The following KRTAP4-11 variants were observed in gnomAD, a reference collection of about 807,000 sequenced individuals.
KRTAP4-11 encodes the protein keratin associated protein 4-11, also known as keratin-associated protein 4-11.
In KRTAP4-11, 3 loss-of-function variants were observed where a neutral mutation model predicts 3.4. The observed-to-expected ratio is 0.87, with a 90% CI of 0.40 to 2.26. The LOEUF (loss-of-function observed/expected upper bound fraction) is 2.26. Ranked by LOEUF, KRTAP4-11 falls within the 30% of genes most tolerant of loss-of-function variation. KRTAP4-11 has a pLI of 0.05. For missense variants in KRTAP4-11, 248 were observed against 258.8 expected, an observed-to-expected ratio of 0.96 and a Z score of 0.29; for synonymous variants, 94 against 89.4, an observed-to-expected ratio of 1.05 and a Z score of -0.29.
rs1370424353 is a variant in KRTAP4-11, at chr17:41,117,348, A to T, written c.*380T>A. On this transcript the variant is annotated 3_prime_UTR_variant, in exon 1 of 1. Transcript: ENST00000391413. ...GCCTCCTACCTTTCCAAGAGAAAAG[A>T]ATGACTGAAAGGCTGACAGACAAAT... 1 of 268,970 alleles carries T rather than the reference A, an allele frequency of 3.7e-6. No homozygotes were observed. Among genetic ancestry groups the T allele is most frequent in the East Asian group, 7.5e-5 (1 of 13,316 alleles). The allele number at this position is 268,970 out of a possible 1,614,324, so 16.7% of individuals were successfully genotyped here.
rs761816467 is a variant in KRTAP4-11, at chr17:41,117,918, G to T, written c.398C>A (p.Thr133Asn). The T allele has an allele frequency of 3.7e-4, 595 of 1,601,658 alleles. 29 individuals are homozygous for T. In the African/African-American group the frequency reaches 7.0e-3, roughly 19 times the overall value. The stretch of plus-strand genomic sequence containing the variant: ...GATGCTGCAGCTGGGGTGGCAGCAG[G>T]TGGGCTGGCAGCACACAGACTGGCA... ...QCCQSVCCQP[T>N]CCHPSCSISS... The change falls in exon 1 of 1, where the codon ACC (threonine) becomes AAC (asparagine). Residue 133 changes from threonine (T) to asparagine (N), a missense_variant. Physicochemically the swap from Thr to Asn is moderately conservative, Grantham distance 65 (BLOSUM62 0). Around this residue, in one of 3 missense-constraint regions of KRTAP4-11, gnomAD observed 131 missense variants for 130.2 expected, o/e 1.01. Transcript: ENST00000391413.
rs2014327403 is a variant in KRTAP4-11 at position 41,118,207 on chromosome 17, T to C, written c.109A>G (p.Thr37Ala). 3 of 1,608,164 alleles carry C rather than the reference T, an allele frequency of 1.9e-6. No individual in the cohort carries two copies. Among genetic ancestry groups the C allele is most frequent in the Non-Finnish European group, 2.5e-6 (3 of 1,176,954 alleles). Reference protein sequence around the residue: ...PSCCETTCCRTTYCRPSCCVS... With the variant: ...PSCCETTCCRATYCRPSCCVS... Reference sequence around the variant, plus strand: ...CAGCAGCTGGGGCGACAGTAGGTGGTCCTGCAGCAGGTGGTCTCACAGCAG... The same window carrying C: ...CAGCAGCTGGGGCGACAGTAGGTGGCCCTGCAGCAGGTGGTCTCACAGCAG... The change falls in exon 1 of 1, where the codon ACC becomes GCC. Residue 37 changes from threonine to alanine, a missense_variant. Physicochemically the swap from Thr to Ala is moderately conservative, Grantham distance 58 (BLOSUM62 0). Coordinates refer to ENST00000391413, the MANE Select transcript of KRTAP4-11 (RefSeq NM_033059.4).
chr17:41,118,368 T>G lies in KRTAP4-11; in HGVS notation c.-53A>C. The G allele has an allele frequency of 6.6e-7, 1 of 1,522,862 alleles. No individual in the cohort carries two copies. The highest frequency in any genetic ancestry group is 2.3e-5 in the East Asian group (1 of 43,520). The allele number at this position is 1,522,862 out of a possible 1,614,324, so 94.3% of individuals were successfully genotyped here. On this transcript the variant is annotated 5_prime_UTR_variant, in exon 1 of 1. Transcript: ENST00000391413. ...GGTTTCTAGGAGAGTGAAGTTCTTG[T>G]GTTTGGAAGTCTCCTGGGCCTGTAG...
Position 41,117,436 on chromosome 17 carries a change from G to A in KRTAP4-11, c.*292C>T, listed in dbSNP as rs910645757. On this transcript the variant is annotated 3_prime_UTR_variant, in exon 1 of 1. Transcript: ENST00000391413. ...GAAGGATATTCTGTAGGCTCAAAAC[G>A]ATTTAAAAAATGAGGAATTTAGAGG... 2.2e-5 allele frequency: 12 copies of A among 552,680 alleles called. No individual in the cohort carries two copies. Among genetic ancestry groups the A allele is most frequent in the Admixed American group, 1.1e-4 (3 of 27,938 alleles). The allele number at this position is 552,680 out of a possible 1,614,324, so 34.2% of individuals were successfully genotyped here. A position where few individuals can be genotyped will look rare whatever the true frequency, so the allele number is the denominator to read the frequency against.
At position 41,117,981 on chromosome 17, in the gene KRTAP4-11, G is replaced by A. The variant is rs1424416910; in HGVS notation, c.335C>T (p.Pro112Leu). 7 of 1,495,198 alleles carry A rather than the reference G, an allele frequency of 4.7e-6. No individual in the cohort carries two copies. Among genetic ancestry groups the A allele is most frequent in the Non-Finnish European group, 6.3e-6 (7 of 1,113,006 alleles). The allele number at this position is 1,495,198 out of a possible 1,614,324, so 92.6% of individuals were successfully genotyped here. The change falls in exon 1 of 1, where the codon CCC (proline) becomes CTC (leucine). Residue 112 changes from proline (P) to leucine (L), a missense_variant. Pro to Leu is a moderately conservative substitution (Grantham distance 98). This residue lies in a region of KRTAP4-11 where 131 missense variants were observed against 130.2 expected (regional missense o/e 1.01). Transcript: ENST00000391413. ...PRCCISSCCR[P>L]SCCVSSCCRP... ...GCAGCAGCTGGACACACAGCAGCTGGGGCGACAGCAGCTGGAGATGCAGCA... is the reference window on the plus strand; with the variant it reads ...GCAGCAGCTGGACACACAGCAGCTGAGGCGACAGCAGCTGGAGATGCAGCA...
In KRTAP4-11 at chr17:41,117,652, C is replaced by A; in HGVS notation, c.*76G>T. The A allele has an allele frequency of 6.6e-7, 1 of 1,506,976 alleles. No homozygotes were observed. The highest frequency in any genetic ancestry group is 1.3e-5 in the South Asian group (1 of 75,254). The allele number at this position is 1,506,976 out of a possible 1,614,324, so 93.4% of individuals were successfully genotyped here. ...ATGACATCAATCCCACTCCATGTGT[C>A]CTAATAGTCAGCACAGAAGAATGGT... On this transcript the variant is annotated 3_prime_UTR_variant, in exon 1 of 1. Coordinates refer to ENST00000391413, the MANE Select transcript of KRTAP4-11 (RefSeq NM_033059.4).
Position 41,117,781 on chromosome 17 carries a change from A to G in KRTAP4-11, c.535T>C (p.Cys179Arg), listed in dbSNP as rs1467452911. ...GGGCGGGGGCAGCTGGAGATGACAC[A>G]GGTTGGGCGATAGCAAGTGGTGTGG... is the stretch of plus-strand genomic sequence containing the variant. The part of the protein sequence containing the change: ...SCHTTCYRPT[C>R]VISSCPRPLC... Residue 179 changes from cysteine to arginine, a missense_variant, in exon 1 of 1, where the codon TGT (cysteine) becomes CGT (arginine). Cys to Arg is a radical substitution (Grantham distance 180, BLOSUM62 -3). This residue lies in a region of KRTAP4-11 where 131 missense variants were observed against 130.2 expected (regional missense o/e 1.01). Transcript: ENST00000391413. 7.5e-6 allele frequency: 12 copies of G among 1,596,234 alleles called. No individual in the cohort carries two copies. Among genetic ancestry groups the G allele is most frequent in the Non-Finnish European group, 7.7e-6 (9 of 1,171,456 alleles).
rs755443187 is a variant in KRTAP4-11 at position 41,117,794 on chromosome 17, G to C, written c.522C>G (p.Cys174Trp). ...VCGRVSCHTT[C>W]YRPTCVISSC... ...TGGAGATGACACAGGTTGGGCGATA[G>C]CAAGTGGTGTGGCAGGAGACTCGGC... Residue 174 changes from cysteine (C) to tryptophan (W), a missense_variant, in exon 1 of 1, where the codon TGC becomes TGG. Coordinates refer to ENST00000391413, the MANE Select transcript of KRTAP4-11 (RefSeq NM_033059.4). 2.1e-5 allele frequency: 33 copies of C among 1,599,732 alleles called. No individual in the cohort carries two copies. The Admixed American group carries it at 3.2e-4, about 15-fold the overall frequency.
At position 41,117,983 on chromosome 17, in the gene KRTAP4-11, G is replaced by A. The variant is rs11654403; in HGVS notation, c.333C>T (p.Arg111=). ...AGCAGCTGGACACACAGCAGCTGGGGCGACAGCAGCTGGAGATGCAGCATC... is the reference window on the plus strand; with the variant it reads ...AGCAGCTGGACACACAGCAGCTGGGACGACAGCAGCTGGAGATGCAGCATC... ...RPRCCISSCC[R]PSCCVSSCCR... Residue 111 remains arginine, a synonymous_variant, in exon 1 of 1, where the codon CGC becomes CGT. Transcript: ENST00000391413. The A allele has an allele frequency of 0.39, 599,598 of 1,519,390 alleles. 124,316 individuals carry two copies. Among genetic ancestry groups the A allele is most frequent in the Middle Eastern group, 0.57 (3,003 of 5,254 alleles). 94.1% of individuals were successfully genotyped at this position (1,519,390 alleles called of 1,614,324 possible).
chr17:41,118,365 T>G lies in KRTAP4-11; in HGVS notation c.-50A>C. ...TTGGGTTTCTAGGAGAGTGAAGTTC[T>G]TGTGTTTGGAAGTCTCCTGGGCCTG... On this transcript the variant is annotated 5_prime_UTR_variant, in exon 1 of 1. Coordinates refer to ENST00000391413, the MANE Select transcript of KRTAP4-11 (RefSeq NM_033059.4). The G allele has an allele frequency of 6.5e-7, 1 of 1,533,414 alleles. No individual in the cohort carries two copies. Among genetic ancestry groups the G allele is most frequent in the Non-Finnish European group, 8.8e-7 (1 of 1,136,940 alleles). The allele number at this position is 1,533,414 out of a possible 1,614,324, so 95.0% of individuals were successfully genotyped here.
At position 41,118,370 on chromosome 17, in the gene KRTAP4-11, T is replaced by C; in HGVS notation, c.-55A>G. The C allele has an allele frequency of 6.6e-7, 1 of 1,518,752 alleles. No homozygotes were observed. The highest frequency in any genetic ancestry group is 8.9e-7 in the Non-Finnish European group (1 of 1,127,780). The allele number at this position is 1,518,752 out of a possible 1,614,324, so 94.1% of individuals were successfully genotyped here. On this transcript the variant is annotated 5_prime_UTR_variant, in exon 1 of 1. Coordinates refer to ENST00000391413, the MANE Select transcript of KRTAP4-11 (RefSeq NM_033059.4). ...TTTCTAGGAGAGTGAAGTTCTTGTG[T>C]TTGGAAGTCTCCTGGGCCTGTAGTC... is the stretch of plus-strand genomic sequence containing the variant.
rs1597992054 is a variant in KRTAP4-11, at chr17:41,118,261, G to A, written c.55C>T (p.Leu19Phe). 1.2e-6 allele frequency: 2 copies of A among 1,613,330 alleles called. No individual in the cohort carries two copies. The highest frequency in any genetic ancestry group is 2.2e-5 in the East Asian group (1 of 44,864). Reference protein sequence around the residue: ...VCSHQGCGRDLCQETCCRPSC... With the variant: ...VCSHQGCGRDFCQETCCRPSC... ...GGGCGGCAGCAGGTCTCCTGGCAGA[G>A]GTCTCGGCCACAGCCTTGGTGAGAG... is the stretch of plus-strand genomic sequence containing the variant. Residue 19 changes from leucine to phenylalanine, a missense_variant, in exon 1 of 1, where the codon CTC becomes TTC. By Grantham distance (22) the Leu-to-Phe change is conservative (BLOSUM62 0). Transcript: ENST00000391413.
In KRTAP4-11 at chr17:41,118,084, T is replaced by A; in HGVS notation, c.232A>T (p.Ser78Cys). Residue 78 changes from serine (S) to cysteine (C), a missense_variant, in exon 1 of 1, where the codon AGC (serine) becomes TGC (cysteine). Ser to Cys is a moderately radical substitution (Grantham distance 112). This residue lies in a region of KRTAP4-11 where 110 missense variants were observed against 102.8 expected (regional missense o/e 1.07). Transcript: ENST00000391413. ...RCCISSCCRPSCCVSSCCKPQ... is the reference protein window; with the variant it reads ...RCCISSCCRPCCCVSSCCKPQ... ...TTGCAGCAGCTGGACACACAGCAGCTGGGGCGACAGCAGCTGGAGATGCAG... is the reference window on the plus strand; with the variant it reads ...TTGCAGCAGCTGGACACACAGCAGCAGGGGCGACAGCAGCTGGAGATGCAG... The A allele has an allele frequency of 6.3e-7, 1 of 1,575,858 alleles. No homozygotes were observed. The highest frequency in any genetic ancestry group is 8.6e-7 in the Non-Finnish European group (1 of 1,164,282).
Position 41,117,813 on chromosome 17 carries a change from A to G in KRTAP4-11, c.503T>C (p.Val168Ala). The part of the protein sequence containing the change: ...CCCLRPVCGR[V>A]SCHTTCYRPT... ...GCGATAGCAAGTGGTGTGGCAGGAG[A>G]CTCGGCCACAGACTGGACGCAGGCA... The change falls in exon 1 of 1, where the codon GTC becomes GCC. Residue 168 changes from valine (V) to alanine (A), a missense_variant. Around this residue, in one of 3 missense-constraint regions of KRTAP4-11, gnomAD observed 131 missense variants for 130.2 expected, o/e 1.01. Transcript: ENST00000391413. 1 of 1,601,148 alleles carries G rather than the reference A, an allele frequency of 6.2e-7. No individual in the cohort carries two copies. The highest frequency in any genetic ancestry group is 8.5e-7 in the Non-Finnish European group (1 of 1,174,388).
chr17:41,117,646 A>G lies in KRTAP4-11; in HGVS notation c.*82T>C. ...TGCTGAATGACATCAATCCCACTCC[A>G]TGTGTCCTAATAGTCAGCACAGAAG... On this transcript the variant is annotated 3_prime_UTR_variant, in exon 1 of 1. Transcript: ENST00000391413. 6.7e-7 allele frequency: 1 copy of G among 1,494,950 alleles called. No individual in the cohort carries two copies. Among genetic ancestry groups the G allele is most frequent in the South Asian group, 1.4e-5 (1 of 74,036 alleles). 92.6% of individuals were successfully genotyped at this position (1,494,950 alleles called of 1,614,324 possible).
chr17:41,117,752 C>T lies in KRTAP4-11; in HGVS notation c.564G>A (p.Leu188=), dbSNP rs1325234014. The T allele has an allele frequency of 6.3e-7, 1 of 1,586,808 alleles. No individual in the cohort carries two copies. Among genetic ancestry groups the T allele is most frequent in the African/African-American group, 1.3e-5 (1 of 74,134 alleles). Reference sequence around the variant, plus strand: ...CTCAGCAGCAAGAGGAGGCACAGCACAAGGGGCGGGGGCAGCTGGAGATGA... The same window carrying T: ...CTCAGCAGCAAGAGGAGGCACAGCATAAGGGGCGGGGGCAGCTGGAGATGA... ...TCVISSCPRP[L]CCASSCC Residue 188 remains leucine (L), a synonymous_variant, in exon 1 of 1, where the codon TTG becomes TTA. Coordinates refer to ENST00000391413, the MANE Select transcript of KRTAP4-11 (RefSeq NM_033059.4).
Position 41,118,234 on chromosome 17 carries a change from T to G in KRTAP4-11, c.82A>C (p.Ser28Arg). 2 of 1,613,200 alleles carry G rather than the reference T, an allele frequency of 1.2e-6. No individual in the cohort carries two copies. Among genetic ancestry groups the G allele is most frequent in the East Asian group, 2.2e-5 (1 of 44,814 alleles). The change falls in exon 1 of 1, where the codon AGC (serine) becomes CGC (arginine). Residue 28 changes from serine (S) to arginine (R), a missense_variant. By Grantham distance (110) the Ser-to-Arg change is moderately radical. Coordinates refer to ENST00000391413, the MANE Select transcript of KRTAP4-11 (RefSeq NM_033059.4). ...DLCQETCCRP[S>R]CCETTCCRTT... ...CTGCAGCAGGTGGTCTCACAGCAGC[T>G]GGGGCGGCAGCAGGTCTCCTGGCAG...
chr17:41,118,016 G>C lies in KRTAP4-11; in HGVS notation c.300C>G (p.Cys100Trp). 6.8e-7 allele frequency: 1 copy of C among 1,474,478 alleles called. No individual in the cohort carries two copies. Among genetic ancestry groups the C allele is most frequent in the Non-Finnish European group, 9.1e-7 (1 of 1,101,486 alleles). 91.3% of individuals were successfully genotyped at this position (1,474,478 alleles called of 1,614,324 possible). Residue 100 changes from cysteine (C) to tryptophan (W), a missense_variant, in exon 1 of 1, where the codon TGC becomes TGG. Cys to Trp is a radical substitution (Grantham distance 215). Transcript: ENST00000391413. ...CQSMCCQPTC[C>W]RPRCCISSCC... is the part of the protein sequence containing the mutation. The stretch of plus-strand genomic sequence containing the variant: ...AGCTGGAGATGCAGCATCTGGGGCG[G>C]CAGCAAGTGGGCTGGCAGCACATAG...
In KRTAP4-11 at chr17:41,117,957, C is replaced by T. The variant is rs1439693700; in HGVS notation, c.359G>A (p.Cys120Tyr). Residue 120 changes from cysteine to tyrosine, a missense_variant, in exon 1 of 1, where the codon TGC becomes TAC. By Grantham distance (194) the Cys-to-Tyr change is radical. Around this residue, in one of 3 missense-constraint regions of KRTAP4-11, gnomAD observed 131 missense variants for 130.2 expected, o/e 1.01. Transcript: ENST00000391413. ...CRPSCCVSSC[C>Y]RPQCCQSVCC... ...CACAGACTGGCAGCACTGGGGTCTG[C>T]AGCAGCTGGACACACAGCAGCTGGG... is the stretch of plus-strand genomic sequence containing the variant. 6.6e-7 allele frequency: 1 copy of T among 1,505,326 alleles called. No individual in the cohort carries two copies. Among genetic ancestry groups the T allele is most frequent in the Admixed American group, 1.8e-5 (1 of 54,318 alleles). The allele number at this position is 1,505,326 out of a possible 1,614,324, so 93.2% of individuals were successfully genotyped here. A position where few individuals can be genotyped will look rare whatever the true frequency, so the allele number is the denominator to read the frequency against.
Sources: allele counts gnomAD v4.1 joint callset, GRCh38; gene constraint gnomAD v4.1.1; regional missense constraint gnomAD v4.1.1; transcripts MANE v1.5; gene names NCBI Gene and HGNC (gene_info 2026-07-23, HGNC 2026-07-21).